The following KLHL1 variants were observed in gnomAD, a reference collection of about 807,000 sequenced individuals.
KLHL1 encodes the protein kelch like family member 1.
A neutral mutation model predicts 77.7 loss-of-function variants in KLHL1; 47 were observed. The ratio of observed to expected loss-of-function variants is 0.60; its 90% confidence interval spans 0.48 to 0.77. KLHL1 has a LOEUF of 0.77. Ranked by LOEUF, KLHL1 falls within the 30% of genes least tolerant of loss-of-function variation. The pLI, the probability that KLHL1 is intolerant of heterozygous loss-of-function variation, is 0.00. For missense variants in KLHL1, 925 were observed against 910.8 expected (o/e 1.02, Z -0.20); for synonymous variants, 360 against 325.2 (o/e 1.11, Z -1.15).
At chr13:70,084,997 A>G (rs542508590) in intron 1 of KLHL1, among the ~76,000 whole-genome samples, 6 of 152,290 alleles carry the variant, frequency 3.9e-5, no homozygotes, top group African/African-American at 1.2e-4. Context: ...GAGTTTGTGG[A>G]AATCAAAATC....
chr13:69,984,860 G>A (rs1884818402), intron 1 of KLHL1, among the ~76,000 whole-genome samples: 1 of 152,056 alleles, frequency 6.6e-6, no homozygotes, highest in Non-Finnish European at 1.5e-5. Context: ...TGTAATCCCA[G>A]CACTTTGGGA....
chr13:69,818,219 CTTT>C (rs1316398623), intron 6 of KLHL1, among the ~76,000 whole-genome samples: 9 of 112,872 alleles, frequency 8.0e-5, no homozygotes, highest in African/African-American at 3.2e-4. Flanking sequence ...TCATAGGCAT[CTTT>C]TTTTTTTTTT....
intron 1 of KLHL1, among the ~76,000 whole-genome samples, chr13:70,030,185 C>T (rs545051398): frequency 1.6e-4 from 25 of 152,174 alleles, no homozygotes; most frequent in African/African-American, 5.5e-4. Flanking sequence ...GACAGATCAA[C>T]GAGACAGAAA....
chr13:69,786,897 C>T (rs547901240), intron 7 of KLHL1, among the ~76,000 whole-genome samples: 1 of 152,312 alleles, frequency 6.6e-6, no homozygotes, highest in Non-Finnish European at 1.5e-5. Flanking sequence ...AGGGAACTCC[C>T]ATTCACAATT....
intron 7 of KLHL1, among the ~76,000 whole-genome samples, chr13:69,788,239 TAGCAA>T (rs1428980649): frequency 2.5e-4 from 38 of 152,184 alleles, no homozygotes; most frequent in South Asian, 1.2e-3. Flanking sequence ...CTATTCACAA[TAGCAA>T]AGACTTGGAA....
chr13:69,704,756 C>T (rs187226626), intron 10 of KLHL1, among the ~76,000 whole-genome samples: 1 of 151,704 alleles, frequency 6.6e-6, no homozygotes, highest in African/African-American at 2.4e-5. Flanking sequence ...AAAAATCTGC[C>T]TTTGTTCTCC....
chr13:70,096,579 T>C (rs1205257693), intron 1 of KLHL1, among the ~76,000 whole-genome samples: 1 of 152,022 alleles, frequency 6.6e-6, no homozygotes, highest in Non-Finnish European at 1.5e-5. Context: ...GAAGTTTGTT[T>C]TACTTGTCTT....
chr13:69,969,386 T>C (rs1449547764), intron 2 of KLHL1, among the ~76,000 whole-genome samples: 1 of 152,116 alleles, frequency 6.6e-6, no homozygotes, highest in Admixed American at 6.6e-5. Flanking sequence ...AAGACACAGT[T>C]ATCCTCAAAT....
chr13:70,088,382 C>T (rs1236919744), intron 1 of KLHL1, among the ~76,000 whole-genome samples: 1 of 133,078 alleles, frequency 7.5e-6, no homozygotes, highest in Non-Finnish European at 1.6e-5. Context: ...AAAATATATA[C>T]AAATATAAAA....
chr13:69,868,716 T>C (rs1880465598), intron 5 of KLHL1, among the ~76,000 whole-genome samples: 1 of 151,762 alleles, frequency 6.6e-6, no homozygotes, highest in African/African-American at 2.4e-5. Flanking sequence ...TGTCAAAAGA[T>C]AATTTTTTTT....
At chr13:69,841,886 G>A (rs78715879) in intron 5 of KLHL1, among the ~76,000 whole-genome samples, 12,279 of 151,556 alleles carry the variant, frequency 0.081, 938 homozygotes, top group African/African-American at 0.2. Context: ...ATAAAGCCAC[G>A]TATTTACTGC....
At chr13:70,049,189 A>G (rs575733539) in intron 1 of KLHL1, among the ~76,000 whole-genome samples, 1 of 152,304 alleles carries the variant, frequency 6.6e-6, no homozygotes, top group African/African-American at 2.4e-5. Context: ...ATAGATATGA[A>G]AAATTGAGGC....
intron 6 of KLHL1, among the ~76,000 whole-genome samples, chr13:69,797,531 C>G (rs1020211931): frequency 1.3e-5 from 2 of 151,934 alleles, no homozygotes; most frequent in African/African-American, 2.4e-5. Context: ...TGGGGAAGAG[C>G]TTAGGCCAGG....
intron 5 of KLHL1, among the ~76,000 whole-genome samples, chr13:69,858,569 G>A (rs1880013237): frequency 6.6e-6 from 1 of 151,958 alleles, no homozygotes; most frequent in Non-Finnish European, 1.5e-5. Flanking sequence ...TCATGTTCCT[G>A]CCCATGATTT....
Position 70,107,512 on chromosome 13 carries a change from C to T in KLHL1, c.188G>A (p.Ser63Asn). ...CTTCTTCCAGAAAGTGCTCACACCG[C>T]TTCTCTCTTGGCTTTTGAGCAGGCG... The part of the protein sequence containing the change: ...QSRLLKSQER[S>N]GVSTFWKKPS... The change falls in exon 1 of 11, where the codon AGC becomes AAC. Residue 63 changes from serine (S) to asparagine (N), a missense_variant. Transcript: ENST00000377844. 1 of 1,611,740 alleles carries T rather than the reference C, an allele frequency of 6.2e-7. No individual in the cohort carries two copies. Among genetic ancestry groups the T allele is most frequent in the Non-Finnish European group, 8.5e-7 (1 of 1,179,404 alleles).
chr13:69,853,791 G>A (rs1373962586), intron 5 of KLHL1, among the ~76,000 whole-genome samples: 2 of 151,834 alleles, frequency 1.3e-5, no homozygotes, highest in African/African-American at 2.4e-5. Flanking sequence ...TGTTGTTTTT[G>A]TTTTGTTTCA....
At chr13:70,060,741 G>C (rs2137404634) in intron 1 of KLHL1, among the ~76,000 whole-genome samples, 1 of 152,168 alleles carries the variant, frequency 6.6e-6, no homozygotes, top group East Asian at 1.9e-4. Context: ...AGCTACTTGG[G>C]AGGCTGAGGC....
At chr13:69,808,868 C>T (rs1877738692) in intron 6 of KLHL1, among the ~76,000 whole-genome samples, 1 of 60,236 alleles carries the variant, frequency 1.7e-5, no homozygotes, top group Admixed American at 1.1e-4. Context: ...TGGAAAGAAC[C>T]AAACAGATTT....
At chr13:69,998,635 G>A (rs55978749) in intron 1 of KLHL1, among the ~76,000 whole-genome samples, 25,683 of 151,870 alleles carry the variant, frequency 0.17, 2,288 homozygotes, top group East Asian at 0.19. Flanking sequence ...TCAATAACTA[G>A]GACCTTAATT....
Sources: gnomAD v4.1 joint callset for allele counts (sites outside exome capture counted in the v4.1 genomes callset) on GRCh38, gnomAD v4.1.1 for gene constraint, MANE v1.5 for transcripts, NCBI Gene and HGNC (gene_info 2026-07-23, HGNC 2026-07-21) for gene names.